The following GABRA1 variants were observed in gnomAD, a reference collection of about 807,000 sequenced individuals.
GABRA1 encodes the protein gamma-aminobutyric acid type A receptor subunit alpha1.
A neutral mutation model predicts 48.9 loss-of-function variants in GABRA1; 9 were observed. The ratio of observed to expected loss-of-function variants is 0.18; its 90% CI spans 0.11 to 0.32. The LOEUF (loss-of-function observed/expected upper bound fraction) is 0.32, where lower values mean the gene tolerates loss of function less well. Ranked by LOEUF, GABRA1 falls within the 10% of genes least tolerant of loss-of-function variation. The probability of loss-of-function intolerance (pLI) is 1.00; values close to 1 mark genes in which losing one functional copy is unlikely to be tolerated. For synonymous variants in GABRA1, 210 were observed against 198.7 expected, an observed-to-expected ratio of 1.06 and a Z score of -0.48; for missense variants, 285 against 553.8, an observed-to-expected ratio of 0.51 and a Z score of 4.87.
At chr5:161,887,785 T>C (rs1754913572) in intron 7 of GABRA1, among the ~76,000 whole-genome samples, 1 of 152,122 alleles carries the variant, frequency 6.6e-6, no homozygotes, top group Non-Finnish European at 1.5e-5. Context: ...TTTTTAATCT[T>C]CATACTGTAA....
At chr5:161,853,338 C>G (rs559715546) in intron 2 of GABRA1, among the ~76,000 whole-genome samples, 2 of 151,650 alleles carry the variant, frequency 1.3e-5, no homozygotes, top group Non-Finnish European at 3.0e-5. Context: ...AAATAATTAT[C>G]CCAATATAGA....
intron 4 of GABRA1, 93 bp downstream of exon 4, chr5:161,865,881 T>A: frequency 1.0e-6 from 1 of 968,526 alleles, no homozygotes; most frequent in East Asian, 2.5e-5. Context: ...GGGAGCAACC[T>A]GAAAAGTCTT....
At chr5:161,854,335 A>G (rs1435675642) in intron 3 of GABRA1, 65 bp downstream of exon 3, 1 of 843,922 alleles carries the variant, frequency 1.2e-6, no homozygotes, top group Non-Finnish European at 2.1e-6. Flanking sequence ...CACAGCCTTA[A>G]TTTACCTCTA....
intron 5 of GABRA1, 143 bp from the exon 6 acceptor site, chr5:161,875,417 T>C (rs997458707): frequency 2.9e-6 from 2 of 701,400 alleles, no homozygotes; most frequent in African/African-American, 3.6e-5. Context: ...TTTTAGATCA[T>C]TTGATTATTA....
chr5:161,885,398 G>T (rs1239191039), intron 7 of GABRA1, among the ~76,000 whole-genome samples: 1 of 152,048 alleles, frequency 6.6e-6, no homozygotes, highest in Non-Finnish European at 1.5e-5. Context: ...AGAGAATGAT[G>T]GTGAGAGAGA....
intron 9 of GABRA1, 46 bp from the exon 10 acceptor site, chr5:161,897,065 T>C (rs1561588578): frequency 6.3e-7 from 1 of 1,586,354 alleles, no homozygotes; most frequent in Non-Finnish European, 8.7e-7. Flanking sequence ...ATAATTTTGC[T>C]TCTCACTGTT....
At chr5:161,883,521 G>A (rs1472738002) in intron 7 of GABRA1, among the ~76,000 whole-genome samples, 1 of 152,056 alleles carries the variant, frequency 6.6e-6, no homozygotes, top group Admixed American at 6.6e-5. Context: ...ATAAAAACTG[G>A]ACTCAAACAA....
chr5:161,893,009 AAATAATAAT>A lies in GABRA1; in HGVS notation c.856+1992_856+2000del, dbSNP rs60042641. Among the ~76,000 whole-genome samples, 231 of 122,420 alleles carry A rather than the reference AAATAATAAT, an allele frequency of 1.9e-3. 5 individuals carry two copies. Among genetic ancestry groups the A allele is most frequent in the African/African-American group, 5.5e-3 (155 of 28,250 alleles). 80.3% of individuals were successfully genotyped at this position (122,420 alleles called of 152,430 possible). A position where few individuals can be genotyped will look rare whatever the true frequency, so the allele number is the denominator to read the frequency against. On this transcript the variant is annotated intron_variant, in intron 8 of 9. Transcript: ENST00000393943. Reference sequence around the variant, plus strand: ...AACAGAGCGAGACTCCTTCTCAAAAAAATAATAATAATAATAATAATAATAATAATAATA... The same window carrying A: ...AACAGAGCGAGACTCCTTCTCAAAAAAATAATAATAATAATAATAATAATA...
chr5:161,860,917 G>A (rs1213957992), intron 3 of GABRA1, among the ~76,000 whole-genome samples: 1 of 151,736 alleles, frequency 6.6e-6, no homozygotes, highest in Non-Finnish European at 1.5e-5. Context: ...TTCCTGTGTT[G>A]ATTCCAGATC....
chr5:161,861,047 C>T (rs74930253), intron 3 of GABRA1, among the ~76,000 whole-genome samples: 121 of 151,788 alleles, frequency 8.0e-4, no homozygotes, highest in East Asian at 1.6e-3. Context: ...ATTTGCTATA[C>T]GTCACAGAAT....
intron 8 of GABRA1, among the ~76,000 whole-genome samples, chr5:161,892,351 T>C (rs969267017): frequency 1.3e-5 from 2 of 152,206 alleles, no homozygotes; most frequent in Non-Finnish European, 2.9e-5. Context: ...TTCAATAATA[T>C]GTAGTGTATG....
intron 6 of GABRA1, among the ~76,000 whole-genome samples, chr5:161,880,530 C>T (rs1258503598): frequency 6.6e-6 from 1 of 152,114 alleles, no homozygotes. Context: ...AAAGGAAAAA[C>T]AAAGATAAAT....
At position 161,861,173 on chromosome 5, in the gene GABRA1, G is replaced by A. The variant is rs150754328; in HGVS notation, c.188-4548G>A. 2.4e-3 allele frequency among the ~76,000 whole-genome samples: 370 copies of A among 151,542 alleles called. 2 individuals are homozygous for A. The highest frequency in any genetic ancestry group is 8.3e-3 in the African/African-American group (342 of 41,388). ...ATGCTACCCTGTGAATGTGAAATAGGGTGCCTGAGAGTTATCACAGTTTGT... is the reference window on the plus strand; with the variant it reads ...ATGCTACCCTGTGAATGTGAAATAGAGTGCCTGAGAGTTATCACAGTTTGT... On this transcript the variant is annotated intron_variant, in intron 3 of 9. Transcript: ENST00000393943.
chr5:161,891,941 A>T (rs1755110727), intron 8 of GABRA1, among the ~76,000 whole-genome samples: 1 of 152,198 alleles, frequency 6.6e-6, no homozygotes. Context: ...TAACTATAAA[A>T]CAAATTCTAT....
intron 4 of GABRA1, among the ~76,000 whole-genome samples, chr5:161,869,622 A>G (rs1196080875): frequency 1.3e-5 from 2 of 152,214 alleles, no homozygotes; most frequent in Admixed American, 1.3e-4. Context: ...GTCAAAATAC[A>G]CACAGATGGT....
At chr5:161,886,458 T>A (rs1490438711) in intron 7 of GABRA1, among the ~76,000 whole-genome samples, 2 of 151,854 alleles carry the variant, frequency 1.3e-5, no homozygotes, top group African/African-American at 4.8e-5. Flanking sequence ...ATGCAGTAAG[T>A]GTCCGATATT....
chr5:161,848,225 T>C lies in GABRA1; in HGVS notation c.-213T>C, dbSNP rs1222219385. On this transcript the variant is annotated 5_prime_UTR_variant, in exon 1 of 10. Coordinates refer to ENST00000393943, the MANE Select transcript of GABRA1 (RefSeq NM_001127644.2). ...GGATATTGGGAAGCAAATTTGGGTG[T>C]GAAATCTTCAGCAAAGGAGCACGCA... 1 of 152,174 alleles carries C rather than the reference T, an allele frequency of 6.6e-6. No individual in the cohort carries two copies. Among genetic ancestry groups the C allele is most frequent in the African/African-American group, 2.4e-5 (1 of 41,388 alleles). 9.4% of individuals were successfully genotyped at this position (152,174 alleles called of 1,614,324 possible). A position where few individuals can be genotyped will look rare whatever the true frequency, so the allele number is the denominator to read the frequency against.
chr5:161,875,470 T>G (rs1754305811), intron 5 of GABRA1, 90 bp from the exon 6 acceptor site: 2 of 1,004,556 alleles, frequency 2.0e-6, no homozygotes, highest in Admixed American at 3.4e-5. Context: ...TTTGTTAATA[T>G]ATTTGCTACA....
At chr5:161,878,593 T>C (rs1008581466) in intron 6 of GABRA1, among the ~76,000 whole-genome samples, 1 of 152,194 alleles carries the variant, frequency 6.6e-6, no homozygotes, top group African/African-American at 2.4e-5. Flanking sequence ...TGAGAAGCAG[T>C]CTTTCTTACC....
Sources: allele counts gnomAD v4.1 joint callset (sites outside exome capture counted in the v4.1 genomes callset), GRCh38; gene constraint gnomAD v4.1.1; transcripts MANE v1.5; gene names NCBI Gene and HGNC (gene_info 2026-07-23, HGNC 2026-07-21).